The following KCNIP4 variants were observed in gnomAD, a reference collection of about 807,000 sequenced individuals.
KCNIP4 encodes Kv channel-interacting protein 4.
Under a neutral mutation model 34.0 loss-of-function variants are expected in KCNIP4, and 12 were observed. That is an observed-to-expected ratio of 0.35 (90% confidence interval 0.23 to 0.57). KCNIP4 has a LOEUF of 0.57. KCNIP4 is among the 20% of genes least tolerant of loss of function. The pLI is 0.83. For missense variants in KCNIP4, 238 were observed against 311.7 expected, an observed-to-expected ratio of 0.76 and a Z score of 1.78; for synonymous variants, 124 against 102.2, an observed-to-expected ratio of 1.21 and a Z score of -1.29.
intron 1 of KCNIP4, among the ~76,000 whole-genome samples, chr4:21,589,156 G>GTATATA (rs375787939): frequency 1.2e-3 from 82 of 71,202 alleles, no homozygotes; most frequent in Admixed American, 1.5e-3. Flanking sequence ...ATGGAGGTGT[G>GTATATA]TATATATATA....
At chr4:21,219,089 AG>A (rs1267952501) in intron 1 of KCNIP4, among the ~76,000 whole-genome samples, 1 of 152,196 alleles carries the variant, frequency 6.6e-6, no homozygotes, top group Non-Finnish European at 1.5e-5. Flanking sequence ...TGACCACAAA[AG>A]CAACAAAGGT....
chr4:21,746,353 T>C (rs1716774956), intron 1 of KCNIP4, among the ~76,000 whole-genome samples: 1 of 152,134 alleles, frequency 6.6e-6, no homozygotes, highest in Non-Finnish European at 1.5e-5. Context: ...CATTTGCTAA[T>C]AAGTAAAGGA....
intron 1 of KCNIP4, among the ~76,000 whole-genome samples, chr4:21,372,742 C>T (rs1416531309): frequency 6.8e-6 from 1 of 146,080 alleles, no homozygotes; most frequent in African/African-American, 2.8e-5. Flanking sequence ...AAAATTACTA[C>T]AAGGAATATG....
At chr4:21,691,965 C>T (rs570024122) in intron 1 of KCNIP4, among the ~76,000 whole-genome samples, 7 of 151,910 alleles carry the variant, frequency 4.6e-5, no homozygotes, top group African/African-American at 1.4e-4. Context: ...CCCAAAGTGC[C>T]GGGATTACAG....
intron 1 of KCNIP4, among the ~76,000 whole-genome samples, chr4:20,896,936 T>A (rs973936000): frequency 1.0e-4 from 15 of 145,702 alleles, no homozygotes; most frequent in Admixed American, 1.4e-4. Flanking sequence ...GTACTGGTAT[T>A]TTTTTTTTTT....
chr4:20,755,380 CT>C (rs1754312865), intron 4 of KCNIP4, among the ~76,000 whole-genome samples: 1 of 152,228 alleles, frequency 6.6e-6, no homozygotes, highest in South Asian at 2.1e-4. Context: ...GTGCTGTACA[CT>C]TTTCAAAGAG....
At chr4:21,574,959 C>A (rs978210918) in intron 1 of KCNIP4, among the ~76,000 whole-genome samples, 1 of 152,144 alleles carries the variant, frequency 6.6e-6, no homozygotes, top group Non-Finnish European at 1.5e-5. Flanking sequence ...TGTTATGTAG[C>A]TTTGCATTTA....
At chr4:20,875,513 G>A (rs1450943987) in intron 2 of KCNIP4, among the ~76,000 whole-genome samples, 1 of 152,150 alleles carries the variant, frequency 6.6e-6, no homozygotes, top group African/African-American at 2.4e-5. Flanking sequence ...TAACATCTGA[G>A]GGTTTGAACA....
At chr4:21,746,151 A>G (rs983318064) in intron 1 of KCNIP4, among the ~76,000 whole-genome samples, 2 of 152,078 alleles carry the variant, frequency 1.3e-5, no homozygotes, top group Non-Finnish European at 1.5e-5. Context: ...CACCAGTCAT[A>G]TTGGATTAGG....
chr4:21,872,067 G>T (rs1725853508), intron 1 of KCNIP4, among the ~76,000 whole-genome samples: 1 of 151,986 alleles, frequency 6.6e-6, no homozygotes, highest in East Asian at 1.9e-4. Flanking sequence ...TTGTCCCCTG[G>T]TAGATAGAAC....
intron 1 of KCNIP4, among the ~76,000 whole-genome samples, chr4:21,068,357 A>G (rs1213358874): frequency 6.6e-6 from 1 of 152,152 alleles, no homozygotes; most frequent in East Asian, 1.9e-4. Context: ...AAAGTTTATC[A>G]AGTCATCACC....
intron 1 of KCNIP4, among the ~76,000 whole-genome samples, chr4:21,200,047 G>T (rs907105847): frequency 6.6e-6 from 1 of 152,016 alleles, no homozygotes; most frequent in Non-Finnish European, 1.5e-5. Flanking sequence ...GTTGTGGGGT[G>T]GGGGAAGCGG....
At chr4:21,583,238 G>A (rs1741369387) in intron 1 of KCNIP4, among the ~76,000 whole-genome samples, 1 of 151,926 alleles carries the variant, frequency 6.6e-6, no homozygotes, top group African/African-American at 2.4e-5. Flanking sequence ...TGAGAGCCAA[G>A]GATTTTAGCA....
At chr4:21,315,677 T>G (rs13118906) in intron 1 of KCNIP4, among the ~76,000 whole-genome samples, 1 of 152,114 alleles carries the variant, frequency 6.6e-6, no homozygotes, top group Non-Finnish European at 1.5e-5. Flanking sequence ...GGTGTTATGG[T>G]TATTTTGCTC....
chr4:20,757,377 T>A (rs1029477397), intron 4 of KCNIP4, among the ~76,000 whole-genome samples: 1 of 152,144 alleles, frequency 6.6e-6, no homozygotes, highest in Non-Finnish European at 1.5e-5. Context: ...CACTGACCTA[T>A]CAGTGAAATG....
At chr4:21,432,582 A>G (rs1318174037) in intron 1 of KCNIP4, among the ~76,000 whole-genome samples, 1 of 152,178 alleles carries the variant, frequency 6.6e-6, no homozygotes, top group Non-Finnish European at 1.5e-5. Context: ...ATTAGCTGGG[A>G]AAAAGACCAG....
At chr4:20,801,494 A>C (rs1714229320) in intron 3 of KCNIP4, among the ~76,000 whole-genome samples, 1 of 152,120 alleles carries the variant, frequency 6.6e-6, no homozygotes, top group Non-Finnish European at 1.5e-5. Context: ...AGCTACAATA[A>C]GTTGTTAAGA....
At chr4:21,032,964 A>T (rs1025519310) in intron 1 of KCNIP4, among the ~76,000 whole-genome samples, 1 of 152,118 alleles carries the variant, frequency 6.6e-6, no homozygotes, top group Admixed American at 6.6e-5. Flanking sequence ...TCTAAGGCAG[A>T]TTCTATACTC....
chr4:20,962,334 G>A (rs1226858516), intron 1 of KCNIP4, among the ~76,000 whole-genome samples: 4 of 152,196 alleles, frequency 2.6e-5, no homozygotes, highest in African/African-American at 9.7e-5. Flanking sequence ...GGCTGAGTCT[G>A]CCTAATTGTG....
Sources: gnomAD v4.1 joint callset for allele counts (sites outside exome capture counted in the v4.1 genomes callset) on GRCh38, gnomAD v4.1.1 for gene constraint, MANE v1.5 for transcripts, NCBI Gene and HGNC (gene_info 2026-07-23, HGNC 2026-07-21) for gene names.